ERBB4: variants seen among roughly 807,000 people sequenced by gnomAD.
ERBB4 encodes the protein erb-b2 receptor tyrosine kinase 4.
ERBB4 carries 42 observed loss-of-function variants against 158.0 expected under a neutral mutation model. The observed-to-expected ratio is 0.27, with a 90% CI of 0.21 to 0.34. ERBB4 has a LOEUF of 0.34. Ranked by LOEUF, ERBB4 falls within the 10% of genes least tolerant of loss-of-function variation. The probability of loss-of-function intolerance (pLI) is 1.00; values close to 1 mark genes in which losing one functional copy is unlikely to be tolerated. For synonymous variants in ERBB4, 583 were observed against 558.7 expected (o/e 1.04, Z -0.61); for missense variants, 1,333 against 1,624.1 (o/e 0.82, Z 3.08).
intron 2 of ERBB4, among the ~76,000 whole-genome samples, chr2:211,951,581 A>G (rs1318521341): frequency 1.3e-5 from 2 of 152,154 alleles, no homozygotes; most frequent in East Asian, 3.8e-4. Context: ...TGTAATATTT[A>G]CATACTTCTC....
At chr2:212,392,633 T>C (rs1441105143) in intron 1 of ERBB4, among the ~76,000 whole-genome samples, 3 of 152,108 alleles carry the variant, frequency 2.0e-5, no homozygotes, top group Non-Finnish European at 4.4e-5. Context: ...GATATTAAGC[T>C]AATCTAAAAT....
rs1043005881 is a variant in ERBB4, at chr2:211,562,995, T to C, written c.2302-907A>G. On this transcript the variant is annotated intron_variant, in intron 19 of 27. Transcript: ENST00000342788. ...ACCGTTTTAGCCGGGATGGTCTCTATCTCCTGACCTTGTGATCCGCCCGCC... is the reference window on the plus strand; with the variant it reads ...ACCGTTTTAGCCGGGATGGTCTCTACCTCCTGACCTTGTGATCCGCCCGCC... 5.3e-5 allele frequency among the ~76,000 whole-genome samples: 8 copies of C among 152,170 alleles called. No individual in the cohort carries two copies. In the East Asian group the frequency reaches 1.4e-3, roughly 26 times the overall value.
At chr2:212,532,243 A>AC (rs1692793439) in intron 1 of ERBB4, among the ~76,000 whole-genome samples, 1 of 152,232 alleles carries the variant, frequency 6.6e-6, no homozygotes, top group Admixed American at 6.5e-5. Flanking sequence ...TGACTGGATT[A>AC]CATCAGTGGT....
chr2:212,072,079 C>T (rs1053749539), intron 2 of ERBB4, among the ~76,000 whole-genome samples: 2 of 151,910 alleles, frequency 1.3e-5, no homozygotes, highest in Non-Finnish European at 2.9e-5. Flanking sequence ...ATTATTCCTG[C>T]TCCAAATGTT....
intron 13 of ERBB4, among the ~76,000 whole-genome samples, chr2:211,677,842 C>T (rs7562364): frequency 0.45 from 68,968 of 151,796 alleles, 16,521 homozygotes; most frequent in African/African-American, 0.55. Flanking sequence ...CCACTGCGCT[C>T]TAGCCAGGCA....
chr2:212,176,841 A>G (rs1228605910), intron 1 of ERBB4, among the ~76,000 whole-genome samples: 1 of 152,078 alleles, frequency 6.6e-6, no homozygotes, highest in East Asian at 1.9e-4. Context: ...TGGAAGTAAG[A>G]ACTCCATCTG....
chr2:211,719,139 C>G (rs2074015951), intron 7 of ERBB4, among the ~76,000 whole-genome samples: 1 of 152,106 alleles, frequency 6.6e-6, no homozygotes, highest in Non-Finnish European at 1.5e-5. Context: ...TTCAGTGAGC[C>G]CATAACACAT....
chr2:212,159,558 G>A (rs1323216374), intron 1 of ERBB4, among the ~76,000 whole-genome samples: 2 of 151,864 alleles, frequency 1.3e-5, no homozygotes, highest in Non-Finnish European at 2.9e-5. Context: ...TGCATAATGT[G>A]GACCTCATGC....
chr2:211,760,262 A>G (rs191986836), intron 4 of ERBB4, among the ~76,000 whole-genome samples: 5 of 152,352 alleles, frequency 3.3e-5, no homozygotes, highest in South Asian at 2.1e-4. Flanking sequence ...TGATAAAAGT[A>G]TGATGTGCTA....
intron 4 of ERBB4, among the ~76,000 whole-genome samples, chr2:211,761,461 TTTC>T (rs1411695975): frequency 1.3e-5 from 2 of 152,118 alleles, no homozygotes; most frequent in African/African-American, 4.8e-5. Context: ...GAAATTATTT[TTTC>T]TTTTTTTTTG....
intron 20 of ERBB4, among the ~76,000 whole-genome samples, chr2:211,446,285 T>C (rs999010155): frequency 5.9e-5 from 9 of 152,120 alleles, no homozygotes; most frequent in Admixed American, 2.0e-4. Context: ...AACCATAACT[T>C]TGTAATTGCA....
At chr2:211,390,320 T>C (rs2062775003) in intron 25 of ERBB4, among the ~76,000 whole-genome samples, 1 of 152,214 alleles carries the variant, frequency 6.6e-6, no homozygotes, top group Non-Finnish European at 1.5e-5. Flanking sequence ...TAATCTAAGA[T>C]TGTTAGAAGA....
intron 1 of ERBB4, among the ~76,000 whole-genome samples, chr2:212,240,327 T>C (rs1448283436): frequency 6.6e-6 from 1 of 152,008 alleles, no homozygotes; most frequent in Non-Finnish European, 1.5e-5. Flanking sequence ...CTTCCTATTC[T>C]CTAAGGAAAA....
At chr2:212,058,951 A>C (rs547471539) in intron 2 of ERBB4, among the ~76,000 whole-genome samples, 4 of 152,190 alleles carry the variant, frequency 2.6e-5, no homozygotes, top group Non-Finnish European at 4.4e-5. Flanking sequence ...GGCAATCAGG[A>C]AGGAGAAAGA....
chr2:212,116,935 AT>A (rs1376801853), intron 2 of ERBB4, among the ~76,000 whole-genome samples: 2 of 152,196 alleles, frequency 1.3e-5, no homozygotes, highest in East Asian at 3.9e-4. Flanking sequence ...AGAAAAAAAA[AT>A]CCTAAGCCAA....
chr2:211,741,791 T>C (rs2074808846), intron 5 of ERBB4, among the ~76,000 whole-genome samples: 1 of 152,172 alleles, frequency 6.6e-6, no homozygotes, highest in Non-Finnish European at 1.5e-5. Context: ...ATACATCTCC[T>C]GTAGTTAAAA....
intron 2 of ERBB4, 97 bp downstream of exon 2, chr2:212,124,655 A>G: frequency 7.3e-7 from 1 of 1,377,872 alleles, no homozygotes; most frequent in African/African-American, 1.4e-5. Flanking sequence ...GCCAGGCAGA[A>G]GAGCACCCCT....
At chr2:212,363,680 G>C (rs13385537) in intron 1 of ERBB4, among the ~76,000 whole-genome samples, 12,359 of 151,380 alleles carry the variant, frequency 0.082, 601 homozygotes, top group Non-Finnish European at 0.11. Context: ...ATTTGGAAAT[G>C]AGTTACATAA....
chr2:211,840,812 A>T, intron 3 of ERBB4, among the ~76,000 whole-genome samples: 1 of 152,154 alleles, frequency 6.6e-6, no homozygotes, highest in East Asian at 1.9e-4. Flanking sequence ...ATTATCTAAT[A>T]ATAGCAATGC....
Sources: gnomAD v4.1 joint callset for allele counts (sites outside exome capture counted in the v4.1 genomes callset) on GRCh38, gnomAD v4.1.1 for gene constraint, MANE v1.5 for transcripts, NCBI Gene and HGNC (gene_info 2026-07-23, HGNC 2026-07-21) for gene names.